The following CRACD variants were observed in gnomAD, a reference collection of about 807,000 sequenced individuals.
CRACD encodes the protein capping protein-inhibiting regulator of actin dynamics.
CRACD carries 56 observed loss-of-function variants against 106.8 expected under a neutral mutation model. The observed-to-expected ratio is 0.52, with a 90% CI of 0.42 to 0.66. The LOEUF (loss-of-function observed/expected upper bound fraction) is 0.66, where lower values mean the gene tolerates loss of function less well. Ranked by LOEUF, CRACD falls within the 30% of genes least tolerant of loss-of-function variation. The probability of loss-of-function intolerance (pLI) is 0.00; values close to 1 mark genes in which losing one functional copy is unlikely to be tolerated. For missense variants in CRACD, 1,730 were observed against 1,623.2 expected (o/e 1.07, Z -1.13); for synonymous variants, 754 against 670.8 (o/e 1.12, Z -1.92).
chr4:56,055,080 A>C (rs931937809), intron 1 of CRACD, among the ~76,000 whole-genome samples: 5 of 152,200 alleles, frequency 3.3e-5, no homozygotes, highest in African/African-American at 1.2e-4. Flanking sequence ...GGTTGTTAGA[A>C]TAGAGTTTAA....
At chr4:56,090,497 A>G (rs1733390329) in intron 1 of CRACD, among the ~76,000 whole-genome samples, 1 of 152,102 alleles carries the variant, frequency 6.6e-6, no homozygotes, top group Non-Finnish European at 1.5e-5. Context: ...TCCCAGGCTC[A>G]AGCAATTCTG....
chr4:56,073,375 C>T (rs957784760), intron 1 of CRACD, among the ~76,000 whole-genome samples: 4 of 149,426 alleles, frequency 2.7e-5, no homozygotes, highest in Admixed American at 6.7e-5. Flanking sequence ...GAGTTTTTGT[C>T]GTGTGTTTGT....
At chr4:56,190,768 C>T (rs1353011050) in intron 2 of CRACD, among the ~76,000 whole-genome samples, 1 of 152,126 alleles carries the variant, frequency 6.6e-6, no homozygotes, top group Non-Finnish European at 1.5e-5. Flanking sequence ...GAGGACGTGG[C>T]CCTCTTCTCA....
At chr4:56,313,588 C>T (rs910991553) in intron 7 of CRACD, among the ~76,000 whole-genome samples, 2 of 152,166 alleles carry the variant, frequency 1.3e-5, no homozygotes, top group African/African-American at 4.8e-5. Flanking sequence ...TCAGAGGGAG[C>T]GGTTGCCTTT....
At chr4:56,182,861 A>G (rs964895667) in intron 2 of CRACD, among the ~76,000 whole-genome samples, 3 of 101,892 alleles carry the variant, frequency 2.9e-5, no homozygotes, top group Non-Finnish European at 5.7e-5. Flanking sequence ...GAAAAAAAAG[A>G]TATGTGTGTG....
chr4:56,275,110 C>T (rs1742603904), intron 3 of CRACD, among the ~76,000 whole-genome samples: 1 of 152,112 alleles, frequency 6.6e-6, no homozygotes, highest in Admixed American at 6.5e-5. Context: ...ACGGTAACAA[C>T]AGACACTGGA....
intron 2 of CRACD, among the ~76,000 whole-genome samples, chr4:56,267,287 A>AT (rs1314887517): frequency 4.6e-5 from 7 of 151,656 alleles, no homozygotes; most frequent in African/African-American, 1.7e-4. Flanking sequence ...CGCCCAGCTA[A>AT]TTTTTTTTGT....
intron 1 of CRACD, among the ~76,000 whole-genome samples, chr4:56,141,989 C>T (rs923289931): frequency 1.3e-5 from 2 of 152,046 alleles, no homozygotes; most frequent in African/African-American, 4.8e-5. Flanking sequence ...CCACTGCACC[C>T]AACCGAATTT....
intron 2 of CRACD, among the ~76,000 whole-genome samples, chr4:56,204,857 G>A (rs1738045879): frequency 6.6e-6 from 1 of 152,092 alleles, no homozygotes; most frequent in African/African-American, 2.4e-5. Context: ...ACTGGATTCT[G>A]ACATTAAAAA....
At chr4:56,242,342 T>C (rs1740413743) in intron 2 of CRACD, among the ~76,000 whole-genome samples, 1 of 152,182 alleles carries the variant, frequency 6.6e-6, no homozygotes, top group South Asian at 2.1e-4. Flanking sequence ...AGATAAAATT[T>C]CCAGTAATAG....
At chr4:56,229,300 G>A (rs35884565) in intron 2 of CRACD, among the ~76,000 whole-genome samples, 17,875 of 151,996 alleles carry the variant, frequency 0.12, 1,369 homozygotes, top group South Asian at 0.21. Context: ...CTTTTTGCCT[G>A]GAGCCCCTTT....
rs1284650050 is a variant in CRACD at position 56,211,418 on chromosome 4, C to G, written c.-189+31988C>G. The stretch of plus-strand genomic sequence containing the variant: ...GCCCAGGCCATGCCTGGCTTGTGCA[C>G]CAGCTCAGCCCATGGCTGTTCCAGG... On this transcript the variant is annotated intron_variant, in intron 2 of 10. Coordinates refer to ENST00000682029, the MANE Select transcript of CRACD (RefSeq NM_001393381.1). Among the ~76,000 whole-genome samples the G allele has an allele frequency of 2.6e-5, 4 of 152,362 alleles. 1 individual carries two copies. In the East Asian group the frequency reaches 7.7e-4, roughly 29 times the overall value.
intron 1 of CRACD, among the ~76,000 whole-genome samples, chr4:56,056,587 A>T (rs889356426): frequency 3.7e-5 from 3 of 81,700 alleles, no homozygotes; most frequent in Admixed American, 1.1e-4. Flanking sequence ...CTGTCTCTAT[A>T]AAAAAAAAAC....
At chr4:56,219,059 T>C (rs931597617) in intron 2 of CRACD, among the ~76,000 whole-genome samples, 1 of 152,200 alleles carries the variant, frequency 6.6e-6, no homozygotes, top group South Asian at 2.1e-4. Flanking sequence ...TTCTAACTGG[T>C]AGATGAATTG....
intron 3 of CRACD, among the ~76,000 whole-genome samples, chr4:56,297,225 C>T (rs1744106138): frequency 6.6e-6 from 1 of 152,134 alleles, no homozygotes; most frequent in Non-Finnish European, 1.5e-5. Context: ...TTGGCATGAG[C>T]CACCGTGCCT....
At chr4:56,268,624 A>C (rs1742167211) in intron 2 of CRACD, among the ~76,000 whole-genome samples, 1 of 152,236 alleles carries the variant, frequency 6.6e-6, no homozygotes, top group Admixed American at 6.5e-5. Context: ...GCCAAACTAG[A>C]AATCAGGCAC....
chr4:56,197,858 T>C (rs1235560517), intron 2 of CRACD, among the ~76,000 whole-genome samples: 1 of 152,160 alleles, frequency 6.6e-6, no homozygotes, highest in Non-Finnish European at 1.5e-5. Context: ...TTTGTATTTT[T>C]AGTAGAGACG....
At position 56,211,436 on chromosome 4, in the gene CRACD, G is replaced by A. The variant is rs1284995549; in HGVS notation, c.-189+32006G>A. On this transcript the variant is annotated intron_variant, in intron 2 of 10. Transcript: ENST00000682029. ...TTGTGCACCAGCTCAGCCCATGGCT[G>A]TTCCAGGTGTGCCCCAGCCTGCCTT... Among the ~76,000 whole-genome samples, 4 of 152,252 alleles carry A rather than the reference G, an allele frequency of 2.6e-5. 1 individual carries two copies. The highest frequency in any genetic ancestry group is 4.8e-5 in the African/African-American group (2 of 41,470).
chr4:56,162,010 C>T (rs1005267237), intron 1 of CRACD, among the ~76,000 whole-genome samples: 3 of 151,754 alleles, frequency 2.0e-5, no homozygotes, highest in African/African-American at 4.8e-5. Context: ...GTGATCTGCC[C>T]GCCTCGGCCT....
Sources: allele counts gnomAD v4.1 joint callset (sites outside exome capture counted in the v4.1 genomes callset), GRCh38; gene constraint gnomAD v4.1.1; transcripts MANE v1.5; gene names NCBI Gene and HGNC (gene_info 2026-07-23, HGNC 2026-07-21).